EDDM13: variants seen among roughly 807,000 people sequenced by gnomAD.
EDDM13 encodes epididymal protein 13.
A neutral mutation model predicts 17.8 loss-of-function variants in EDDM13; 24 were observed. The observed-to-expected ratio is 1.35, with a 90% CI of 0.98 to 1.90. EDDM13 has a LOEUF of 1.90. Among genes scored for constraint, EDDM13 ranks in the 40% most tolerant of loss-of-function variants. The pLI is 0.00. For synonymous variants in EDDM13, 31 were observed against 37.5 expected, an observed-to-expected ratio of 0.83 and a Z score of 0.63; for missense variants, 97 against 100.8, an observed-to-expected ratio of 0.96 and a Z score of 0.16.
intron 14 of EDDM13, among the ~76,000 whole-genome samples, chr19:56,307,708 T>A (rs1448675231): frequency 6.6e-6 from 1 of 152,196 alleles, no homozygotes; most frequent in African/African-American, 2.4e-5. Context: ...GTAATACAAT[T>A]TTTTCCCCAA....
At chr19:56,284,317 GT>G in intron 5 of EDDM13, 111 bp downstream of exon 5, 1 of 271,258 alleles carries the variant, frequency 3.7e-6, no homozygotes, top group Non-Finnish European at 5.6e-6. Context: ...TCATTGGTGG[GT>G]TTTAGATGAT....
chr19:56,298,121 G>GT (rs2039998453), intron 12 of EDDM13: 1 of 150,464 alleles, frequency 6.6e-6, no homozygotes, highest in African/African-American at 2.4e-5. Flanking sequence ...TTTGAAAAGC[G>GT]TAATACAAAT....
At chr19:56,287,322 T>C (rs928037891) in intron 6 of EDDM13, among the ~76,000 whole-genome samples, 3 of 152,248 alleles carry the variant, frequency 2.0e-5, no homozygotes, top group Non-Finnish European at 4.4e-5. Context: ...TGATGGAGAA[T>C]GTCAGGAACA....
At chr19:56,302,316 CCCT>C (rs768963872) in intron 13 of EDDM13, among the ~76,000 whole-genome samples, 1,689 of 146,008 alleles carry the variant, frequency 0.012, 18 homozygotes, top group Non-Finnish European at 0.016. Context: ...TTTTCTCCCT[CCCT>C]CCCTCCCCTT....
At chr19:56,305,046 T>C (rs2304121) in intron 14 of EDDM13, among the ~76,000 whole-genome samples, 33,244 of 152,152 alleles carry the variant, frequency 0.22, 4,677 homozygotes, top group African/African-American at 0.39. Context: ...ATGACAGGGA[T>C]GTGCCGGGCA....
intron 12 of EDDM13, among the ~76,000 whole-genome samples, chr19:56,300,615 G>A (rs911421464): frequency 6.6e-6 from 1 of 152,214 alleles, no homozygotes; most frequent in Non-Finnish European, 1.5e-5. Flanking sequence ...ACGTTGAAGA[G>A]AGAGAGACTT....
intron 14 of EDDM13, among the ~76,000 whole-genome samples, chr19:56,308,831 T>C (rs2040861863): frequency 6.6e-6 from 1 of 152,204 alleles, no homozygotes; most frequent in African/African-American, 2.4e-5. Context: ...TGAATGGTGT[T>C]GAACGGTTTC....
At chr19:56,280,296 T>G (rs571743382) in intron 2 of EDDM13, among the ~76,000 whole-genome samples, 1 of 152,326 alleles carries the variant, frequency 6.6e-6, no homozygotes, top group South Asian at 2.1e-4. Context: ...TATACGTTTT[T>G]GGCTGAATAA....
intron 13 of EDDM13, among the ~76,000 whole-genome samples, chr19:56,302,665 T>G (rs1487258144): frequency 8.0e-6 from 1 of 124,932 alleles, no homozygotes; most frequent in African/African-American, 3.1e-5. Context: ...CTCCCTGTTC[T>G]TTCCTTCCTC....
chr19:56,282,284 TA>T (rs1468802790), intron 3 of EDDM13, among the ~76,000 whole-genome samples: 1 of 152,134 alleles, frequency 6.6e-6, no homozygotes, highest in African/African-American at 2.4e-5. Context: ...GACTTCAGGG[TA>T]AATGTGCCTC....
intron 9 of EDDM13, among the ~76,000 whole-genome samples, chr19:56,292,645 C>A (rs926759938): frequency 6.6e-6 from 1 of 151,890 alleles, no homozygotes; most frequent in African/African-American, 2.4e-5. Context: ...TGGTGTGCAA[C>A]CATCACCACT....
chr19:56,305,668 G>A (rs2040637761), intron 14 of EDDM13, among the ~76,000 whole-genome samples: 1 of 152,154 alleles, frequency 6.6e-6, no homozygotes. Context: ...TAGTGAACGG[G>A]GCAGACAAGA....
chr19:56,279,419 GCAAAATGGA>G (rs955802690), intron 2 of EDDM13, among the ~76,000 whole-genome samples: 3 of 152,164 alleles, frequency 2.0e-5, no homozygotes, highest in African/African-American at 7.2e-5. Context: ...AAAGAGCCTT[GCAAAATGGA>G]AAGGACTGTG....
chr19:56,289,971 G>A (rs1039500548), intron 8 of EDDM13, among the ~76,000 whole-genome samples: 2 of 152,176 alleles, frequency 1.3e-5, no homozygotes, highest in Non-Finnish European at 2.9e-5. Flanking sequence ...AGAAGGAGTT[G>A]AAGAAAACGA....
chr19:56,278,514 C>A (rs1450222938), intron 2 of EDDM13, among the ~76,000 whole-genome samples: 1 of 152,174 alleles, frequency 6.6e-6, no homozygotes, highest in East Asian at 1.9e-4. Context: ...ATCATGCAGA[C>A]CCGTTTTAGG....
At chr19:56,302,545 G>GTTCCTCCCTCCCCCCTTCCTTTC (rs1555807454) in intron 13 of EDDM13, among the ~76,000 whole-genome samples, 1 of 21,592 alleles carries the variant, frequency 4.6e-5, no homozygotes, top group Non-Finnish European at 9.7e-5. Context: ...CTTCCTCCCC[G>GTTCCTCCCTCCCCCCTTCCTTTC]TTCCTCCCTC....
intron 9 of EDDM13, among the ~76,000 whole-genome samples, chr19:56,291,670 T>G (rs2039518277): frequency 6.6e-6 from 1 of 152,208 alleles, no homozygotes; most frequent in Admixed American, 6.5e-5. Context: ...CCTTCTGTTT[T>G]GCTCCTGTTC....
intron 12 of EDDM13, chr19:56,300,042 T>C (rs2040128484): frequency 6.6e-6 from 1 of 152,202 alleles, no homozygotes; most frequent in Admixed American, 6.5e-5. Flanking sequence ...TGTGATTGTG[T>C]ACCTTTGATT....
intron 9 of EDDM13, among the ~76,000 whole-genome samples, chr19:56,292,357 G>C (rs932437399): frequency 3.9e-5 from 6 of 152,174 alleles, no homozygotes; most frequent in African/African-American, 1.2e-4. Context: ...AGACCTCCTG[G>C]GCTCAAGCGA....
Sources: gnomAD v4.1 joint callset for allele counts (sites outside exome capture counted in the v4.1 genomes callset) on GRCh38, gnomAD v4.1.1 for gene constraint, MANE v1.5 for transcripts, NCBI Gene and HGNC (gene_info 2026-07-23, HGNC 2026-07-21) for gene names.